Variants in PXYLP1 observed in about 807,000 individuals in gnomAD.
PXYLP1 encodes the protein acid phosphatase-like 2.
In PXYLP1, 17 loss-of-function variants were observed where a neutral mutation model predicts 37.9. The ratio of observed to expected loss-of-function variants is 0.45; its 90% CI spans 0.31 to 0.67. PXYLP1 has a LOEUF of 0.67. Among genes scored for constraint, PXYLP1 ranks in the 30% least tolerant of loss-of-function variants. The pLI is 0.07. For synonymous variants in PXYLP1, 221 were observed against 232.2 expected, an observed-to-expected ratio of 0.95 and a Z score of 0.44; for missense variants, 511 against 612.0, an observed-to-expected ratio of 0.84 and a Z score of 1.74.
chr3:141,268,158 G>T (rs959449704), intron 2 of PXYLP1, among the ~76,000 whole-genome samples: 1 of 135,004 alleles, frequency 7.4e-6, no homozygotes, highest in African/African-American at 2.8e-5. Context: ...TTTATATGCG[G>T]GTGGGTGGGG....
intron 2 of PXYLP1, among the ~76,000 whole-genome samples, chr3:141,270,101 T>A (rs1379665178): frequency 6.6e-6 from 1 of 152,256 alleles, no homozygotes; most frequent in Non-Finnish European, 1.5e-5. Flanking sequence ...TGAACTCTGC[T>A]GGAGTTCTCC....
rs976867065 is a variant in PXYLP1, at chr3:141,294,122, A to G, written c.*917A>G. The G allele has an allele frequency of 2.0e-5, 3 of 152,212 alleles. No individual in the cohort carries two copies. Among genetic ancestry groups the G allele is most frequent in the Admixed American group, 6.5e-5 (1 of 15,282 alleles). 9.4% of individuals were successfully genotyped at this position (152,212 alleles called of 1,614,324 possible). Reference sequence around the variant, plus strand: ...TCTAAATATTTGTCTGCTGTAGTCTATTTGCTGTATATGCTGAAATTTTTG... The same window carrying G: ...TCTAAATATTTGTCTGCTGTAGTCTGTTTGCTGTATATGCTGAAATTTTTG... On this transcript the variant is annotated 3_prime_UTR_variant, in exon 6 of 6. Coordinates refer to ENST00000286353, the MANE Select transcript of PXYLP1 (RefSeq NM_001037172.3).
chr3:141,256,828 G>A (rs1021244074), intron 1 of PXYLP1, among the ~76,000 whole-genome samples: 1 of 152,164 alleles, frequency 6.6e-6, no homozygotes, highest in African/African-American at 2.4e-5. Context: ...TGCTGACCAT[G>A]CTAGAGGCTA....
intron 2 of PXYLP1, among the ~76,000 whole-genome samples, chr3:141,277,369 A>G (rs1410182106): frequency 6.6e-6 from 1 of 152,208 alleles, no homozygotes; most frequent in East Asian, 1.9e-4. Context: ...TGCTGAAAGT[A>G]TGACTATACT....
chr3:141,278,560 A>G, intron 3 of PXYLP1, 60 bp downstream of exon 3: 1 of 1,594,012 alleles, frequency 6.3e-7, no homozygotes, highest in Non-Finnish European at 8.6e-7. Context: ...TTCCAGCAGC[A>G]TTGCACAGCA....
In PXYLP1 at chr3:141,292,221, T is replaced by C; in HGVS notation, c.506-47T>C. 6.5e-7 allele frequency: 1 copy of C among 1,531,204 alleles called. No homozygotes were observed. Among genetic ancestry groups the C allele is most frequent in the Middle Eastern group, 2.2e-4 (1 of 4,538 alleles). The allele number at this position is 1,531,204 out of a possible 1,614,324, so 94.9% of individuals were successfully genotyped here. A position where few individuals can be genotyped will look rare whatever the true frequency, so the allele number is the denominator to read the frequency against. On this transcript the variant is annotated intron_variant, in intron 5 of 5. Transcript: ENST00000286353. This position sits in a 1 kb window ranked among gnomAD's most constrained non-coding sequence, Gnocchi z 4.3. ...TGACTCCACCTCCCCTTGCTGTTTC[T>C]TTTGCTCAGCTGGAAGTAAGGTAAG... is the stretch of plus-strand genomic sequence containing the variant.
intron 1 of PXYLP1, among the ~76,000 whole-genome samples, chr3:141,237,984 T>C (rs1332275262): frequency 6.6e-6 from 1 of 152,222 alleles, no homozygotes. Context: ...TAGATCTGTT[T>C]AGTCACCTGG....
intron 1 of PXYLP1, chr3:141,232,116 C>G (rs894265766): frequency 6.6e-6 from 1 of 152,376 alleles, no homozygotes; most frequent in Middle Eastern, 3.4e-3. Flanking sequence ...TTTATCCCCG[C>G]GCTCGCCCCT....
intron 1 of PXYLP1, among the ~76,000 whole-genome samples, chr3:141,252,459 GTA>G (rs1207078233): frequency 1.3e-5 from 2 of 152,116 alleles, no homozygotes; most frequent in Non-Finnish European, 2.9e-5. Context: ...GGGAGCCAGC[GTA>G]TCACACGGTG....
intron 1 of PXYLP1, among the ~76,000 whole-genome samples, chr3:141,237,878 G>A (rs1395848374): frequency 6.6e-6 from 1 of 152,186 alleles, no homozygotes; most frequent in African/African-American, 2.4e-5. Context: ...TTTGAAACAG[G>A]CACTCATTTT....
rs537166092 is a variant in PXYLP1, at chr3:141,293,782, T to C, written c.*577T>C. The C allele has an allele frequency of 1.3e-5, 2 of 152,742 alleles. No individual in the cohort carries two copies. The highest frequency in any genetic ancestry group is 2.9e-5 in the Non-Finnish European group (2 of 68,422). The allele number at this position is 152,742 out of a possible 1,614,324, so 9.5% of individuals were successfully genotyped here. On this transcript the variant is annotated 3_prime_UTR_variant, in exon 6 of 6. Coordinates refer to ENST00000286353, the MANE Select transcript of PXYLP1 (RefSeq NM_001037172.3). ...CAGACAGTACATAAAGGAATATGTG[T>C]AGCTGGGTTCCCAGGCCGGACAAAA... is the stretch of plus-strand genomic sequence containing the variant.
At chr3:141,239,266 T>G (rs1940736287) in intron 1 of PXYLP1, among the ~76,000 whole-genome samples, 2 of 152,242 alleles carry the variant, frequency 1.3e-5, no homozygotes, top group Admixed American at 1.3e-4. Flanking sequence ...GTCGCCAGTG[T>G]GTCTGTCTCC....
chr3:141,243,909 A>T (rs1940876571), intron 1 of PXYLP1, among the ~76,000 whole-genome samples: 1 of 152,244 alleles, frequency 6.6e-6, no homozygotes, highest in African/African-American at 2.4e-5. Flanking sequence ...GTTTAAAAAT[A>T]ATTTAAATAT....
intron 2 of PXYLP1, chr3:141,267,275 A>G (rs1462890654): frequency 6.6e-6 from 1 of 152,146 alleles, no homozygotes; most frequent in African/African-American, 2.4e-5. Context: ...AGTATGCTTC[A>G]TGGAAAAGAT....
intron 5 of PXYLP1, among the ~76,000 whole-genome samples, chr3:141,289,337 G>A (rs1942148514): frequency 6.6e-6 from 1 of 152,082 alleles, no homozygotes; most frequent in South Asian, 2.1e-4. Context: ...GTGATGGAAT[G>A]TCTCATGCTG....
chr3:141,273,162 A>G (rs112195552), intron 2 of PXYLP1: 1 of 985,174 alleles, frequency 1.0e-6, no homozygotes. Flanking sequence ...GTCCCCCGCA[A>G]CTGGATTGTA....
chr3:141,273,559 T>G, intron 2 of PXYLP1: 10 of 985,504 alleles, frequency 1.0e-5, no homozygotes, highest in Non-Finnish European at 1.2e-5. Flanking sequence ...CTGGTTGTTT[T>G]ACTCATGATT....
intron 1 of PXYLP1, among the ~76,000 whole-genome samples, chr3:141,254,110 G>A (rs988152329): frequency 2.0e-5 from 3 of 151,904 alleles, no homozygotes; most frequent in East Asian, 1.9e-4. Context: ...ATGTGGTTTC[G>A]CTGTGTTGGC....
At position 141,254,811 on chromosome 3, in the gene PXYLP1, T is replaced by G. The variant is rs139421902; in HGVS notation, c.-53-5312T>G. Among the ~76,000 whole-genome samples the G allele has an allele frequency of 6.3e-4, 96 of 152,352 alleles. 1 individual carries two copies. Among genetic ancestry groups the G allele is most frequent in the African/African-American group, 2.1e-3 (88 of 41,580 alleles). The stretch of plus-strand genomic sequence containing the variant: ...ACATCTGAAGCATTTTCTTTAATAC[T>G]ACCTTTCTATTCTTGGTAATGGTAT... On this transcript the variant is annotated intron_variant, in intron 1 of 5. Transcript: ENST00000286353.
Sources: allele counts gnomAD v4.1 joint callset (sites outside exome capture counted in the v4.1 genomes callset), GRCh38; gene constraint gnomAD v4.1.1; non-coding constraint Gnocchi (gnomAD v3.1); transcripts MANE v1.5; gene names NCBI Gene and HGNC (gene_info 2026-07-23, HGNC 2026-07-21).